Variants in SSBP3 observed in about 807,000 individuals in gnomAD.
The protein encoded by SSBP3 is single stranded DNA binding protein 3.
In SSBP3, 5 loss-of-function variants were observed where a neutral mutation model predicts 69.6. The observed-to-expected ratio is 0.07, with a 90% confidence interval of 0.04 to 0.15. The LOEUF (loss-of-function observed/expected upper bound fraction) is 0.15. Among genes scored for constraint, SSBP3 ranks in the 10% least tolerant of loss-of-function variants. The pLI is 1.00. For missense variants in SSBP3, 312 were observed against 534.0 expected, an observed-to-expected ratio of 0.58 and a Z score of 4.10; for synonymous variants, 196 against 193.4, an observed-to-expected ratio of 1.01 and a Z score of -0.11.
intron 4 of SSBP3, among the ~76,000 whole-genome samples, chr1:54,350,968 G>A (rs1238192685): frequency 6.6e-6 from 1 of 152,022 alleles, no homozygotes; most frequent in Non-Finnish European, 1.5e-5. Flanking sequence ...GAGACTACAG[G>A]CACGTGCCGC....
chr1:54,318,862 A>T (rs994550431), intron 4 of SSBP3, among the ~76,000 whole-genome samples: 1 of 152,196 alleles, frequency 6.6e-6, no homozygotes, highest in African/African-American at 2.4e-5. Flanking sequence ...TTAGTGAGAG[A>T]GTAACAGGAG....
chr1:54,250,051 G>A (rs1644799863), intron 9 of SSBP3, among the ~76,000 whole-genome samples: 1 of 152,244 alleles, frequency 6.6e-6, no homozygotes, highest in Non-Finnish European at 1.5e-5. Flanking sequence ...AGGGAGAGCT[G>A]TATCTGACTC....
chr1:54,362,187 C>T (rs187246534), intron 4 of SSBP3, among the ~76,000 whole-genome samples: 2 of 152,332 alleles, frequency 1.3e-5, no homozygotes, highest in Non-Finnish European at 2.9e-5. Context: ...AGATCTCTCC[C>T]TTTTCTCAGT....
At chr1:54,367,647 T>C (rs1647050122) in intron 4 of SSBP3, among the ~76,000 whole-genome samples, 1 of 152,210 alleles carries the variant, frequency 6.6e-6, no homozygotes, top group African/African-American at 2.4e-5. Flanking sequence ...TCCCAGAGAC[T>C]GGTTACCTGG....
chr1:54,238,043 TTC>T (rs1253057600), intron 14 of SSBP3: 5 of 420,310 alleles, frequency 1.2e-5, no homozygotes, highest in African/African-American at 2.1e-5. Context: ...ACCCAGGACT[TTC>T]TGTGTCCTGG....
chr1:54,329,591 G>C (rs1164732291), intron 4 of SSBP3, among the ~76,000 whole-genome samples: 1 of 152,216 alleles, frequency 6.6e-6, no homozygotes, highest in Non-Finnish European at 1.5e-5. Flanking sequence ...CAGGCTACAG[G>C]GGAGGTGAGC....
chr1:54,241,371 G>C lies in SSBP3; in HGVS notation c.801+103C>G, dbSNP rs1039497525. ...TCTAGCAGTTTGGAACCTCTGCTCAGAAGAATGTGTGAAAGGGAAAGAAAC... is the reference window on the plus strand; with the variant it reads ...TCTAGCAGTTTGGAACCTCTGCTCACAAGAATGTGTGAAAGGGAAAGAAAC... On this transcript the variant is annotated intron_variant, in intron 12 of 17. Coordinates refer to ENST00000610401, the Ensembl canonical transcript of SSBP3. 1.1e-5 allele frequency: 14 copies of C among 1,284,126 alleles called. No individual in the cohort carries two copies. In the East Asian group the frequency reaches 1.6e-4, roughly 15 times the overall value. 79.5% of individuals were successfully genotyped at this position (1,284,126 alleles called of 1,614,324 possible).
intron 14 of SSBP3, among the ~76,000 whole-genome samples, chr1:54,229,540 G>C (rs956621142): frequency 6.6e-6 from 1 of 152,088 alleles, no homozygotes; most frequent in Non-Finnish European, 1.5e-5. Context: ...AGGCTCCCAT[G>C]CAGAACTGTT....
chr1:54,244,643 G>C (rs1644702632), intron 9 of SSBP3, among the ~76,000 whole-genome samples: 2 of 152,186 alleles, frequency 1.3e-5, no homozygotes. Context: ...GTGGGTCAAG[G>C]CACCAGGCCT....
At chr1:54,241,453 G>A (rs1431408940) in intron 12 of SSBP3, 21 bp downstream of exon 12, 7 of 1,613,830 alleles carry the variant, frequency 4.3e-6, no homozygotes, top group Non-Finnish European at 5.9e-6. Context: ...GACATGCAAT[G>A]CCCCAAACCC....
Position 54,346,610 on chromosome 1 carries a change from C to T in SSBP3, c.276+55251G>A, listed in dbSNP as rs548976849. Among the ~76,000 whole-genome samples, 216 of 152,072 alleles carry T rather than the reference C, an allele frequency of 1.4e-3. 1 individual carries two copies. The highest frequency in any genetic ancestry group is 3.4e-3 in the Middle Eastern group (1 of 294). ...CGGGTGGATCACGAGGTCAGGAGAT[C>T]GAGACCATCCTGACTGACACGGTGA... On this transcript the variant is annotated intron_variant, in intron 4 of 17. Transcript: ENST00000610401.
upstream of SSBP3, among the ~76,000 whole-genome samples, chr1:54,410,535 C>T (rs1385167608): frequency 6.6e-6 from 1 of 152,140 alleles, no homozygotes; most frequent in Admixed American, 6.6e-5. Context: ...CACTTCTGCA[C>T]CCGGCACGCT....
chr1:54,281,926 G>A (rs1048914690), intron 4 of SSBP3, among the ~76,000 whole-genome samples: 11 of 151,898 alleles, frequency 7.2e-5, no homozygotes, highest in African/African-American at 2.4e-4. Context: ...GGGAGACCCC[G>A]TCCCTACAAA....
chr1:54,355,982 C>T (rs529172730), intron 4 of SSBP3, among the ~76,000 whole-genome samples: 50 of 152,286 alleles, frequency 3.3e-4, no homozygotes, highest in African/African-American at 1.2e-3. Context: ...ATTCTAGTGG[C>T]AGGAACAGCA....
At chr1:54,330,901 G>A (rs1646398996) in intron 4 of SSBP3, among the ~76,000 whole-genome samples, 1 of 152,182 alleles carries the variant, frequency 6.6e-6, no homozygotes, top group Non-Finnish European at 1.5e-5. Context: ...CTGGTGCCAG[G>A]GAGCAGGGAT....
At chr1:54,352,601 AG>A (rs1378846984) in intron 4 of SSBP3, among the ~76,000 whole-genome samples, 1 of 152,198 alleles carries the variant, frequency 6.6e-6, no homozygotes. Context: ...GAACAAGGCA[AG>A]GGGAGGGCGG....
chr1:54,280,079 T>TCCTGCATCC (rs905285036), intron 5 of SSBP3, among the ~76,000 whole-genome samples: 16 of 152,192 alleles, frequency 1.1e-4, no homozygotes, highest in Non-Finnish European at 1.5e-5. Flanking sequence ...CGGATGGCCA[T>TCCTGCATCC]CCTGCATCCC....
At chr1:54,285,149 T>G (rs1461882311) in intron 4 of SSBP3, among the ~76,000 whole-genome samples, 1 of 152,216 alleles carries the variant, frequency 6.6e-6, no homozygotes, top group Non-Finnish European at 1.5e-5. Flanking sequence ...TGAATTTTGA[T>G]AGTTATTGCT....
intron 4 of SSBP3, among the ~76,000 whole-genome samples, chr1:54,289,025 AAAAAAAAAAAACAAAAAAAC>A (rs560414441): frequency 0.14 from 14,174 of 100,222 alleles, 1,029 homozygotes; most frequent in African/African-American, 0.27. Flanking sequence ...GTCTCCAAAA[AAAAAAAAAAAACAAAAAAAC>A]AAAAAAAAAA....
Sources: allele counts gnomAD v4.1 joint callset (sites outside exome capture counted in the v4.1 genomes callset), GRCh38; gene constraint gnomAD v4.1.1; transcripts MANE v1.5; gene names NCBI Gene and HGNC (gene_info 2026-07-23, HGNC 2026-07-21).